The following MYO1E variants were observed in gnomAD, a reference collection of about 807,000 sequenced individuals.
MYO1E encodes myosin IE.
Under a neutral mutation model 151.1 loss-of-function variants are expected in MYO1E, and 68 were observed. That is an observed-to-expected ratio of 0.45 (90% CI 0.37 to 0.55). The LOEUF (loss-of-function observed/expected upper bound fraction) is 0.55. MYO1E is among the 20% of genes least tolerant of loss of function. The probability of loss-of-function intolerance (pLI) is 0.00; values close to 1 mark genes in which losing one functional copy is unlikely to be tolerated. For missense variants in MYO1E, 1,363 were observed against 1,389.3 expected, an observed-to-expected ratio of 0.98 and a Z score of 0.30; for synonymous variants, 601 against 501.7, an observed-to-expected ratio of 1.20 and a Z score of -2.64.
intron 1 of MYO1E, among the ~76,000 whole-genome samples, chr15:59,282,627 C>A (rs1417745927): frequency 2.6e-5 from 4 of 151,394 alleles, no homozygotes; most frequent in East Asian, 2.0e-4. Context: ...GGGAGGACTG[C>A]TTGAGCCCGG....
intron 19 of MYO1E, among the ~76,000 whole-genome samples, chr15:59,176,593 C>G (rs1008774688): frequency 1.3e-5 from 2 of 151,998 alleles, no homozygotes; most frequent in Non-Finnish European, 2.9e-5. Context: ...TCCTGAGTAG[C>G]TAGGACAGCA....
chr15:59,247,399 C>T (rs1470595835), intron 4 of MYO1E, among the ~76,000 whole-genome samples: 1 of 152,134 alleles, frequency 6.6e-6, no homozygotes, highest in Non-Finnish European at 1.5e-5. Flanking sequence ...AAAGAAAGTG[C>T]ATAAGGTTTG....
intron 8 of MYO1E, 126 bp downstream of exon 8, chr15:59,224,563 T>C: frequency 7.8e-7 from 1 of 1,288,202 alleles, no homozygotes; most frequent in Admixed American, 1.7e-5. Flanking sequence ...GCATACAGAG[T>C]GCTCACAGAG....
At chr15:59,175,059 T>C (rs2079616777) in intron 19 of MYO1E, among the ~76,000 whole-genome samples, 1 of 152,156 alleles carries the variant, frequency 6.6e-6, no homozygotes, top group African/African-American at 2.4e-5. Context: ...CACAGTTTCA[T>C]TCAACGCCTC....
chr15:59,154,703 C>G (rs1204229647), intron 25 of MYO1E, among the ~76,000 whole-genome samples: 1 of 152,214 alleles, frequency 6.6e-6, no homozygotes, highest in African/African-American at 2.4e-5. Flanking sequence ...CTATACTGAT[C>G]ATGAGCAAGA....
At chr15:59,153,879 G>A in intron 25 of MYO1E, 88 bp from the exon 26 acceptor site, 1 of 1,265,136 alleles carries the variant, frequency 7.9e-7, no homozygotes, top group Non-Finnish European at 1.1e-6. Flanking sequence ...TGTACTACAA[G>A]GGCAGCTTAC....
In MYO1E at chr15:59,275,304, TAG is replaced by T. The variant is rs1174368719; in HGVS notation, c.4-2857_4-2856del. Among the ~76,000 whole-genome samples the T allele has an allele frequency of 4.6e-5, 7 of 152,312 alleles. No individual in the cohort carries two copies. In the East Asian group the frequency reaches 5.8e-4, roughly 13 times the overall value. ...ATTCATGACCACCTCCTCTTAGCAT[TAG>T]AGACTAAAACACCAAAGTTATTTTT... is the stretch of plus-strand genomic sequence containing the variant. On this transcript the variant is annotated intron_variant, in intron 1 of 27. Coordinates refer to ENST00000288235, the MANE Select transcript of MYO1E (RefSeq NM_004998.4).
At chr15:59,371,499 A>G (rs1596447696) in intron 1 of MYO1E, among the ~76,000 whole-genome samples, 2 of 151,828 alleles carry the variant, frequency 1.3e-5, no homozygotes, top group African/African-American at 4.8e-5. Flanking sequence ...GTGCCCCGCA[A>G]AGAAAAGTAC....
intron 5 of MYO1E, among the ~76,000 whole-genome samples, chr15:59,234,796 C>T (rs2414624): frequency 0.8 from 114,601 of 143,528 alleles, 45,642 homozygotes; most frequent in Middle Eastern, 0.86. Flanking sequence ...GCACTTCAGC[C>T]TGGGTGACAG....
At chr15:59,249,707 T>C (rs2080152559) in intron 4 of MYO1E, among the ~76,000 whole-genome samples, 1 of 152,200 alleles carries the variant, frequency 6.6e-6, no homozygotes, top group Non-Finnish European at 1.5e-5. Flanking sequence ...TTCCTAGTCT[T>C]TCCAGCCATG....
intron 4 of MYO1E, among the ~76,000 whole-genome samples, chr15:59,244,132 A>G (rs1378106539): frequency 1.3e-5 from 2 of 152,262 alleles, no homozygotes; most frequent in Admixed American, 1.3e-4. Context: ...GAAAGTGTGA[A>G]TAAGACCAAC....
At chr15:59,264,179 G>A (rs1306617511) in intron 2 of MYO1E, among the ~76,000 whole-genome samples, 2 of 152,088 alleles carry the variant, frequency 1.3e-5, no homozygotes, top group African/African-American at 2.4e-5. Flanking sequence ...GCATCGTGTC[G>A]ATTATCAAAA....
chr15:59,320,787 T>C (rs1396002443), intron 1 of MYO1E, among the ~76,000 whole-genome samples: 1 of 152,134 alleles, frequency 6.6e-6, no homozygotes, highest in Non-Finnish European at 1.5e-5. Context: ...AAAGAATCTA[T>C]GATTAAGTCC....
At chr15:59,311,645 C>T (rs913392715) in intron 1 of MYO1E, among the ~76,000 whole-genome samples, 1 of 152,050 alleles carries the variant, frequency 6.6e-6, no homozygotes, top group East Asian at 1.9e-4. Context: ...TCAGGCAAGC[C>T]CAGTTGGTGT....
intron 5 of MYO1E, among the ~76,000 whole-genome samples, chr15:59,234,231 T>G (rs138486847): frequency 0.02 from 2,050 of 100,158 alleles, 21 homozygotes; most frequent in East Asian, 0.056. Context: ...GATGGATGGA[T>G]GGATGGATGG....
intron 4 of MYO1E, among the ~76,000 whole-genome samples, chr15:59,255,370 A>C (rs912145593): frequency 2.0e-5 from 3 of 151,942 alleles, no homozygotes; most frequent in Non-Finnish European, 4.4e-5. Flanking sequence ...GAGCCACCCC[A>C]ACTGGAGTTA....
intron 4 of MYO1E, among the ~76,000 whole-genome samples, chr15:59,237,675 G>A (rs1302722691): frequency 6.6e-6 from 1 of 152,258 alleles, no homozygotes; most frequent in East Asian, 1.9e-4. Flanking sequence ...TTAGGGCGCA[G>A]AGCAAATGTT....
chr15:59,315,608 C>T (rs1201614812), intron 1 of MYO1E, among the ~76,000 whole-genome samples: 3 of 150,958 alleles, frequency 2.0e-5, no homozygotes, highest in African/African-American at 7.3e-5. Context: ...GGGTAAGTTA[C>T]TTAACCTCTC....
chr15:59,219,760 A>T (rs1226025371), intron 9 of MYO1E, among the ~76,000 whole-genome samples: 2 of 152,188 alleles, frequency 1.3e-5, no homozygotes, highest in Non-Finnish European at 2.9e-5. Flanking sequence ...CAGTGAACTA[A>T]ACGTGCATTC....
Sources: gnomAD v4.1 joint callset for allele counts (sites outside exome capture counted in the v4.1 genomes callset) on GRCh38, gnomAD v4.1.1 for gene constraint, MANE v1.5 for transcripts, NCBI Gene and HGNC (gene_info 2026-07-23, HGNC 2026-07-21) for gene names.